ZNF469: variants seen among roughly 807,000 people sequenced by gnomAD.
ZNF469 encodes zinc finger protein 469.
ZNF469 carries 1 observed loss-of-function variant against 1.0 expected under a neutral mutation model. That is an observed-to-expected ratio of 1.00 (90% CI 0.35 to 4.73). The LOEUF (loss-of-function observed/expected upper bound fraction) is 4.73, where lower values mean the gene tolerates loss of function less well. Ranked by LOEUF, ZNF469 falls within the 30% of genes most tolerant of loss-of-function variation. The pLI, the probability that ZNF469 is intolerant of heterozygous loss-of-function variation, is 0.16. For synonymous variants in ZNF469, 2,703 were observed against 2,363.4 expected, an observed-to-expected ratio of 1.14 and a Z score of -4.17; for missense variants, 6,100 against 5,356.3, an observed-to-expected ratio of 1.14 and a Z score of -4.33.
intron 1 of ZNF469, among the ~76,000 whole-genome samples, chr16:88,416,188 A>G (rs1458517415): frequency 6.6e-6 from 1 of 152,210 alleles, no homozygotes; most frequent in Admixed American, 6.5e-5. Context: ...TGGGAGGACC[A>G]GGTGACCCCC....
chr16:88,398,441 C>T (rs1226436390), intron 1 of ZNF469, among the ~76,000 whole-genome samples: 1 of 145,438 alleles, frequency 6.9e-6, no homozygotes, highest in African/African-American at 2.6e-5. Context: ...GATGAAGGGA[C>T]ATGTGAGACA....
the ZNF469 span, among the ~76,000 whole-genome samples, chr16:88,212,266 TAGGTCTTCTATCTC>T: frequency 6.6e-6 from 1 of 152,226 alleles, no homozygotes; most frequent in South Asian, 2.1e-4. Context: ...GATCCTTGCA[TAGGTCTTCTATCTC>T]AGGTCTTCTA....
At chr16:88,168,702 G>A in the ZNF469 span, among the ~76,000 whole-genome samples, 2 of 152,184 alleles carry the variant, frequency 1.3e-5, no homozygotes, top group Non-Finnish European at 2.9e-5. This position sits in a 1 kb window ranked among gnomAD's most constrained non-coding sequence, Gnocchi z 4.3. Flanking sequence ...CTGCCGTTTG[G>A]CAAGCACTAG....
At chr16:88,138,054 A>G in the ZNF469 span, among the ~76,000 whole-genome samples, 1 of 152,164 alleles carries the variant, frequency 6.6e-6, no homozygotes, top group East Asian at 1.9e-4. Flanking sequence ...GGGAGTGCCC[A>G]TCTCACTCAG....
the ZNF469 span, among the ~76,000 whole-genome samples, chr16:88,296,528 A>G: frequency 6.6e-6 from 1 of 151,018 alleles, no homozygotes; most frequent in African/African-American, 2.4e-5. Flanking sequence ...CCACACACAC[A>G]CAGGTGCACA....
chr16:88,206,033 C>T, the ZNF469 span, among the ~76,000 whole-genome samples: 32 of 152,284 alleles, frequency 2.1e-4, no homozygotes, highest in African/African-American at 7.2e-4. Flanking sequence ...GCGCCCAGGC[C>T]TGCAGCCCCC....
the ZNF469 span, among the ~76,000 whole-genome samples, chr16:88,374,589 C>T: frequency 6.0e-3 from 907 of 152,328 alleles, 10 homozygotes; most frequent in African/African-American, 0.02. Flanking sequence ...TGACGAAGTC[C>T]ATGTTTATTC....
chr16:88,143,515 C>A, the ZNF469 span, among the ~76,000 whole-genome samples: 1 of 152,128 alleles, frequency 6.6e-6, no homozygotes, highest in East Asian at 1.9e-4. Flanking sequence ...GTGGGGATCA[C>A]CCCCACCTTC....
chr16:88,121,421 G>C, the ZNF469 span, among the ~76,000 whole-genome samples: 2 of 152,214 alleles, frequency 1.3e-5, no homozygotes, highest in Non-Finnish European at 2.9e-5. Context: ...GAACATTTCA[G>C]TATCGATTCT....
the ZNF469 span, among the ~76,000 whole-genome samples, chr16:88,340,081 C>T: frequency 2.6e-5 from 4 of 152,096 alleles, no homozygotes; most frequent in African/African-American, 4.8e-5. Context: ...CCAGTCCTCT[C>T]TATAAAGTGA....
the ZNF469 span, among the ~76,000 whole-genome samples, chr16:88,191,131 A>T: frequency 6.6e-6 from 1 of 151,656 alleles, no homozygotes; most frequent in African/African-American, 2.4e-5. Context: ...AGCCAAGTGG[A>T]TTGAAGTGAA....
the ZNF469 span, among the ~76,000 whole-genome samples, chr16:88,246,950 A>C: frequency 1.3e-5 from 2 of 152,052 alleles, no homozygotes; most frequent in Non-Finnish European, 2.9e-5. Context: ...TAAGTGAATG[A>C]ATGAATGAGT....
chr16:88,355,886 G>A, the ZNF469 span, among the ~76,000 whole-genome samples: 19 of 152,122 alleles, frequency 1.2e-4, no homozygotes, highest in Admixed American at 5.9e-4. Context: ...TGCCCTCGGC[G>A]GCCGCCTCTT....
rs946589638 is a variant in ZNF469, at chr16:88,433,037, A to G, written c.5567A>G (p.Glu1856Gly). Reference sequence around the variant, plus strand: ...GGGAGGCCTGGCTTTGAGGGTAATGAGTTTGCACCGGCGGGGGCCTCCTCA... The same window carrying G: ...GGGAGGCCTGGCTTTGAGGGTAATGGGTTTGCACCGGCGGGGGCCTCCTCA... ...TAGRPGFEGN[E>G]FAPAGASSLT... The change falls in exon 3 of 3, where the codon GAG becomes GGG. Residue 1856 changes from glutamate to glycine, a missense_variant. By Grantham distance (98) the Glu-to-Gly change is moderately conservative. Transcript: ENST00000565624. The G allele has an allele frequency of 6.5e-7, 1 of 1,550,296 alleles. No homozygotes were observed. The highest frequency in any genetic ancestry group is 1.4e-5 in the African/African-American group (1 of 73,156).
chr16:88,316,119 G>A, the ZNF469 span, among the ~76,000 whole-genome samples: 2 of 152,206 alleles, frequency 1.3e-5, no homozygotes, highest in African/African-American at 4.8e-5. Context: ...CTCACTACTC[G>A]CCAGTCTGAA....
intron 1 of ZNF469, among the ~76,000 whole-genome samples, chr16:88,406,637 G>A (rs1004103512): frequency 2.0e-5 from 3 of 152,208 alleles, no homozygotes; most frequent in Admixed American, 6.5e-5. Flanking sequence ...CTGACCCCAC[G>A]CGCCTGCAGC....
the ZNF469 span, among the ~76,000 whole-genome samples, chr16:88,225,381 A>G: frequency 0.37 from 56,717 of 152,092 alleles, 10,917 homozygotes; most frequent in Middle Eastern, 0.39. Flanking sequence ...CCAAAATCTT[A>G]TAGAGTGCGA....
intron 1 of ZNF469, among the ~76,000 whole-genome samples, chr16:88,391,342 A>G (rs4076176): frequency 0.68 from 103,369 of 152,264 alleles, 35,734 homozygotes; most frequent in African/African-American, 0.8. Flanking sequence ...GGACAGAGCC[A>G]GGACAGTTGC....
chr16:88,287,733 G>A, the ZNF469 span, among the ~76,000 whole-genome samples: 48 of 152,132 alleles, frequency 3.2e-4, 2 homozygotes, highest in South Asian at 2.1e-4. Flanking sequence ...CTGGTGTGAC[G>A]CTACTTCTTG....
Sources: gnomAD v4.1 joint callset for allele counts (sites outside exome capture counted in the v4.1 genomes callset) on GRCh38, gnomAD v4.1.1 for gene constraint, Gnocchi (gnomAD v3.1) non-coding constraint, MANE v1.5 for transcripts, NCBI Gene and HGNC (gene_info 2026-07-23, HGNC 2026-07-21) for gene names.